Variants in SLC27A2 observed in about 807,000 individuals in gnomAD.
SLC27A2 encodes solute carrier family 27 member 2.
In SLC27A2, 54 loss-of-function variants were observed where a neutral mutation model predicts 60.0. That is an observed-to-expected ratio of 0.90 (90% CI 0.72 to 1.13). SLC27A2 has a LOEUF of 1.13. Ranked by LOEUF, SLC27A2 falls within the 50% of genes most tolerant of loss-of-function variation. The pLI, the probability that SLC27A2 is intolerant of heterozygous loss-of-function variation, is 0.00. For synonymous variants in SLC27A2, 297 were observed against 297.6 expected (o/e 1.00, Z 0.02); for missense variants, 739 against 777.6 (o/e 0.95, Z 0.59).
intron 2 of SLC27A2, among the ~76,000 whole-genome samples, chr15:50,199,477 T>TAA (rs60025067): frequency 0.041 from 5,277 of 128,218 alleles, 122 homozygotes; most frequent in Admixed American, 0.091. Context: ...GACTCTGTCT[T>TAA]AAAAAAAAAA....
At chr15:50,206,630 G>A (rs776971878) in intron 4 of SLC27A2, among the ~76,000 whole-genome samples, 1 of 152,094 alleles carries the variant, frequency 6.6e-6, no homozygotes, top group Non-Finnish European at 1.5e-5. Flanking sequence ...CATGGCACCT[G>A]TCACTCCTGA....
At chr15:50,192,799 A>G (rs1595680817) in intron 1 of SLC27A2, among the ~76,000 whole-genome samples, 1 of 151,490 alleles carries the variant, frequency 6.6e-6, no homozygotes, top group Admixed American at 6.6e-5. Context: ...AAAAAAAAAA[A>G]AAGAAGAAGA....
chr15:50,229,084 T>C (rs772531168), intron 8 of SLC27A2, 42 bp downstream of exon 8: 1 of 1,409,974 alleles, frequency 7.1e-7, no homozygotes, highest in Non-Finnish European at 1.0e-6. Flanking sequence ...ATAGAGTAAC[T>C]GAACATAATT....
intron 1 of SLC27A2, among the ~76,000 whole-genome samples, chr15:50,192,140 A>T (rs1366382219): frequency 6.6e-6 from 1 of 152,184 alleles, no homozygotes; most frequent in Non-Finnish European, 1.5e-5. Context: ...GACATTAAAT[A>T]TCAACTAGAT....
chr15:50,205,639 T>A (rs376713041), intron 4 of SLC27A2, among the ~76,000 whole-genome samples: 39 of 152,228 alleles, frequency 2.6e-4, no homozygotes, highest in African/African-American at 8.4e-4. Flanking sequence ...CCCCTCTGCT[T>A]ACTAAAAGCC....
chr15:50,183,140 T>C (rs2044882784), intron 1 of SLC27A2, among the ~76,000 whole-genome samples: 2 of 152,266 alleles, frequency 1.3e-5, no homozygotes, highest in African/African-American at 2.4e-5. Context: ...GTGTGGTTTT[T>C]AATCCTCACA....
chr15:50,235,171 A>G (rs13329426), intron 9 of SLC27A2, among the ~76,000 whole-genome samples: 24,926 of 152,186 alleles, frequency 0.16, 2,146 homozygotes, highest in African/African-American at 0.21. Flanking sequence ...TATTGTGTGT[A>G]TAGGATTATT....
At chr15:50,227,971 G>A (rs544222225) in intron 7 of SLC27A2, among the ~76,000 whole-genome samples, 1 of 152,332 alleles carries the variant, frequency 6.6e-6, no homozygotes, top group South Asian at 2.1e-4. Context: ...CCCTTGAGAT[G>A]TGGGTCACGA....
chr15:50,203,103 G>T (rs1052729108), intron 3 of SLC27A2, among the ~76,000 whole-genome samples: 1 of 151,742 alleles, frequency 6.6e-6, no homozygotes, highest in Non-Finnish European at 1.5e-5. Flanking sequence ...TAGAAGAATT[G>T]CTTGAGTCCA....
At chr15:50,199,606 T>C (rs1332296169) in intron 2 of SLC27A2, among the ~76,000 whole-genome samples, 1 of 152,156 alleles carries the variant, frequency 6.6e-6, no homozygotes, top group South Asian at 2.1e-4. Flanking sequence ...GAAGGGTGTT[T>C]ATTTTACTTT....
chr15:50,211,887 C>A (rs917436229), intron 4 of SLC27A2, among the ~76,000 whole-genome samples: 1 of 150,640 alleles, frequency 6.6e-6, no homozygotes, highest in African/African-American at 2.5e-5. Context: ...CTGGCTAACA[C>A]AGTGAAACCC....
chr15:50,217,935 TC>T (rs965846433), intron 4 of SLC27A2, among the ~76,000 whole-genome samples: 4 of 151,558 alleles, frequency 2.6e-5, no homozygotes, highest in African/African-American at 7.3e-5. Context: ...GCGCCAGTAA[TC>T]CCAGCTACTG....
intron 5 of SLC27A2, among the ~76,000 whole-genome samples, chr15:50,225,034 T>C (rs187236664): frequency 5.3e-5 from 8 of 152,330 alleles, no homozygotes; most frequent in Admixed American, 4.6e-4. Context: ...GATGATCCCA[T>C]GCAATTGATG....
At chr15:50,185,215 C>T (rs1179696999) in intron 1 of SLC27A2, among the ~76,000 whole-genome samples, 1 of 152,184 alleles carries the variant, frequency 6.6e-6, no homozygotes, top group Non-Finnish European at 1.5e-5. Flanking sequence ...ACCCAGCTAA[C>T]AGTTGTCTGC....
In SLC27A2 at chr15:50,182,391, C is replaced by T. The variant is rs759815528; in HGVS notation, c.-37C>T. On this transcript the variant is annotated 5_prime_UTR_variant, in exon 1 of 10. Coordinates refer to ENST00000267842, the MANE Select transcript of SLC27A2 (RefSeq NM_003645.4). The stretch of plus-strand genomic sequence containing the variant: ...CCGCGCTGCACGCCCGGGGTGAACC[C>T]TCTGCCCTCGCTGGGACAGAGGGCC... 3 of 1,540,988 alleles carry T rather than the reference C, an allele frequency of 1.9e-6. No homozygotes were observed. Among genetic ancestry groups the T allele is most frequent in the Admixed American group, 1.9e-5 (1 of 51,304 alleles).
chr15:50,225,053 A>G (rs894984917), intron 5 of SLC27A2, among the ~76,000 whole-genome samples: 12 of 152,236 alleles, frequency 7.9e-5, no homozygotes, highest in African/African-American at 2.9e-4. Context: ...TGTAGAAAAG[A>G]ACATTTATTA....
intron 2 of SLC27A2, among the ~76,000 whole-genome samples, chr15:50,201,701 A>G (rs541887386): frequency 7.2e-5 from 11 of 151,874 alleles, no homozygotes; most frequent in African/African-American, 1.7e-4. Context: ...GACTATAGGC[A>G]CCCACCACCA....
intron 4 of SLC27A2, among the ~76,000 whole-genome samples, chr15:50,210,412 C>T (rs2045145798): frequency 6.6e-6 from 1 of 152,194 alleles, no homozygotes; most frequent in Admixed American, 6.5e-5. Context: ...CCCGACTTTA[C>T]CTGGAGCCTC....
At chr15:50,227,245 TC>T in intron 7 of SLC27A2, 67 bp downstream of exon 7, 6 of 1,242,634 alleles carry the variant, frequency 4.8e-6, no homozygotes, top group Non-Finnish European at 7.0e-6. Context: ...CCTAGTGGAA[TC>T]GCATTCCACT....
Sources: allele counts gnomAD v4.1 joint callset (sites outside exome capture counted in the v4.1 genomes callset), GRCh38; gene constraint gnomAD v4.1.1; transcripts MANE v1.5; gene names NCBI Gene and HGNC (gene_info 2026-07-23, HGNC 2026-07-21).